MPPED1: variants seen among roughly 807,000 people sequenced by gnomAD.
MPPED1 encodes metallophosphoesterase domain containing 1, also known as metallophosphoesterase domain-containing protein 1.
MPPED1 carries 16 observed loss-of-function variants against 36.2 expected under a neutral mutation model. The ratio of observed to expected loss-of-function variants is 0.44; its 90% CI spans 0.30 to 0.67. MPPED1 has a LOEUF of 0.67. MPPED1 is among the 30% of genes least tolerant of loss of function. MPPED1 has a pLI of 0.10. For missense variants in MPPED1, 307 were observed against 453.4 expected (o/e 0.68, Z 2.93); for synonymous variants, 199 against 191.3 (o/e 1.04, Z -0.33).
At chr22:43,497,929 G>GTATATATATATATATATATATATATATA (rs746068497) in intron 4 of MPPED1, among the ~76,000 whole-genome samples, 21 of 48,746 alleles carry the variant, frequency 4.3e-4, no homozygotes, top group African/African-American at 1.3e-3. Flanking sequence ...ATATATATAT[G>GTATATATATATATATATATATATATATA]TATATGTATA....
chr22:43,453,332 T>C (rs63524960), intron 3 of MPPED1, among the ~76,000 whole-genome samples: 15 of 76,966 alleles, frequency 1.9e-4, no homozygotes, highest in East Asian at 1.4e-3. Flanking sequence ...CCACCCCCCC[T>C]GCCCCTTTAA....
At chr22:43,480,240 C>T (rs1000805459) in intron 4 of MPPED1, among the ~76,000 whole-genome samples, 4 of 152,166 alleles carry the variant, frequency 2.6e-5, no homozygotes, top group Non-Finnish European at 5.9e-5. Context: ...GCCTGCCTCC[C>T]AGGAGCTCAG....
At chr22:43,463,387 A>G (rs1320146506) in intron 3 of MPPED1, among the ~76,000 whole-genome samples, 2 of 144,916 alleles carry the variant, frequency 1.4e-5, no homozygotes, top group African/African-American at 5.2e-5. Flanking sequence ...GCCAGAGTGC[A>G]GTGGTGCAGT....
At chr22:43,464,571 G>A (rs1325662447) in intron 3 of MPPED1, among the ~76,000 whole-genome samples, 3 of 152,104 alleles carry the variant, frequency 2.0e-5, no homozygotes, top group Non-Finnish European at 4.4e-5. Flanking sequence ...CCCTGGTAGT[G>A]CTCCCCACTT....
At chr22:43,435,244 C>T (rs1274624735) in intron 3 of MPPED1, 29 bp downstream of exon 3, 1 of 1,581,494 alleles carries the variant, frequency 6.3e-7, no homozygotes, top group East Asian at 2.3e-5. Context: ...GGGCGGGCGG[C>T]TGTGCTGAGC....
chr22:43,475,801 G>A (rs1374864700), intron 4 of MPPED1, among the ~76,000 whole-genome samples: 2 of 151,288 alleles, frequency 1.3e-5, no homozygotes, highest in African/African-American at 4.9e-5. Flanking sequence ...ATAGTATGGT[G>A]ATGGTGGTGG....
chr22:43,449,422 A>ACCCCCCCCAC, intron 3 of MPPED1, among the ~76,000 whole-genome samples: 1 of 127,332 alleles, frequency 7.9e-6, no homozygotes, highest in Non-Finnish European at 1.6e-5. Flanking sequence ...GACAGTGCCA[A>ACCCCCCCCAC]CCCCCCCCGC....
chr22:43,439,682 G>A (rs1601959908), intron 3 of MPPED1, among the ~76,000 whole-genome samples: 1 of 152,336 alleles, frequency 6.6e-6, no homozygotes, highest in South Asian at 2.1e-4. Flanking sequence ...TGCACAGTCC[G>A]GGCACCACAG....
At chr22:43,464,328 TG>T (rs1601980885) in intron 3 of MPPED1, among the ~76,000 whole-genome samples, 6 of 140,988 alleles carry the variant, frequency 4.3e-5, no homozygotes, top group East Asian at 2.0e-4. Flanking sequence ...TGTGTGTGTG[TG>T]TGTGTGGTGG....
At chr22:43,447,873 ATATATATATAT>A (rs1930407455) in intron 3 of MPPED1, among the ~76,000 whole-genome samples, 1 of 31,020 alleles carries the variant, frequency 3.2e-5, no homozygotes, top group Non-Finnish European at 5.8e-5. Flanking sequence ...ATATATATAT[ATATATATATAT>A]TTTTTTTTTT....
At chr22:43,485,537 TCA>T (rs199993791) in intron 4 of MPPED1, among the ~76,000 whole-genome samples, 4,401 of 151,966 alleles carry the variant, frequency 0.029, 233 homozygotes, top group African/African-American at 0.1. Context: ...ACATTCACAC[TCA>T]CACACAGAGT....
intron 1 of MPPED1, chr22:43,418,389 T>G: frequency 2.9e-6 from 1 of 339,960 alleles, no homozygotes; most frequent in Non-Finnish European, 5.8e-6. Flanking sequence ...CTCCAAGATC[T>G]TCCTCACACA....
chr22:43,497,830 G>A (rs1240316710), intron 4 of MPPED1, among the ~76,000 whole-genome samples: 1 of 150,150 alleles, frequency 6.7e-6, no homozygotes, highest in Admixed American at 6.6e-5. Context: ...CTTCCTGGGG[G>A]TGGGGGTGGG....
intron 3 of MPPED1, among the ~76,000 whole-genome samples, chr22:43,442,595 T>G (rs1413885309): frequency 1.3e-5 from 2 of 152,138 alleles, no homozygotes; most frequent in Admixed American, 6.5e-5. Flanking sequence ...TTCCTGGGAA[T>G]GGGGTGCCAA....
intron 3 of MPPED1, among the ~76,000 whole-genome samples, chr22:43,445,969 C>T (rs1050284643): frequency 7.0e-6 from 1 of 143,358 alleles, no homozygotes; most frequent in Non-Finnish European, 1.5e-5. Context: ...CTCCTGGGAT[C>T]AGGTGATTCT....
chr22:43,424,733 G>A (rs1460759696), intron 1 of MPPED1, among the ~76,000 whole-genome samples, 175 bp from the exon 2 acceptor site: 1 of 149,418 alleles, frequency 6.7e-6, no homozygotes, highest in Non-Finnish European at 1.5e-5. Flanking sequence ...TTTTACCAAA[G>A]TATATTCATC....
Position 43,474,860 on chromosome 22 carries a change from G to A in MPPED1, c.531G>A (p.Lys177=). The A allele has an allele frequency of 6.2e-7, 1 of 1,614,058 alleles. No individual in the cohort carries two copies. Among genetic ancestry groups the A allele is most frequent in the Non-Finnish European group, 8.5e-7 (1 of 1,179,906 alleles). The part of the protein sequence containing the change: ...FYYFPSVSKL[K]PENYENVQSL... Reference sequence around the variant, plus strand: ...ACTTCCCATCTGTGTCGAAGCTGAAGCCGGAGAACTATGAGAATGTGCAGT... The same window carrying A: ...ACTTCCCATCTGTGTCGAAGCTGAAACCGGAGAACTATGAGAATGTGCAGT... The change falls in exon 4 of 7, where the codon AAG becomes AAA. Residue 177 remains lysine (K), a synonymous_variant. Transcript: ENST00000443721. This position sits in a 1 kb window ranked among gnomAD's most constrained non-coding sequence, Gnocchi z 5.2.
At chr22:43,472,826 G>A (rs1003895314) in intron 3 of MPPED1, among the ~76,000 whole-genome samples, 1 of 152,204 alleles carries the variant, frequency 6.6e-6, no homozygotes, top group Admixed American at 6.5e-5. Context: ...TCTAGCTGGG[G>A]GTAGAGAAGA....
At chr22:43,424,615 A>C (rs1402606501) in intron 1 of MPPED1, among the ~76,000 whole-genome samples, 1 of 152,004 alleles carries the variant, frequency 6.6e-6, no homozygotes, top group Non-Finnish European at 1.5e-5. Flanking sequence ...GGAAAAAAAA[A>C]ATGTCTTAAG....
Sources: gnomAD v4.1 joint callset for allele counts (sites outside exome capture counted in the v4.1 genomes callset) on GRCh38, gnomAD v4.1.1 for gene constraint, Gnocchi (gnomAD v3.1) non-coding constraint, MANE v1.5 for transcripts, NCBI Gene and HGNC (gene_info 2026-07-23, HGNC 2026-07-21) for gene names.